RBPMS: variants seen among roughly 807,000 people sequenced by gnomAD.
RBPMS encodes the protein RNA-binding protein with multiple splicing.
In RBPMS, 7 loss-of-function variants were observed where a neutral mutation model predicts 26.8. The observed-to-expected ratio is 0.26, with a 90% CI of 0.15 to 0.49. The LOEUF (loss-of-function observed/expected upper bound fraction) is 0.49, where lower values mean the gene tolerates loss of function less well. RBPMS is among the 20% of genes least tolerant of loss of function. The probability of loss-of-function intolerance (pLI) is 0.98; values close to 1 mark genes in which losing one functional copy is unlikely to be tolerated. For synonymous variants in RBPMS, 96 were observed against 93.3 expected (o/e 1.03, Z -0.17); for missense variants, 186 against 250.0 (o/e 0.74, Z 1.73).
intron 6 of RBPMS, among the ~76,000 whole-genome samples, chr8:30,557,496 C>G (rs569223326): frequency 6.6e-6 from 1 of 152,336 alleles, no homozygotes; most frequent in East Asian, 1.9e-4. Context: ...ACCTGTAAAA[C>G]AAGGAGATGA....
intron 5 of RBPMS, among the ~76,000 whole-genome samples, chr8:30,524,655 G>A (rs1463426633): frequency 6.6e-6 from 1 of 152,096 alleles, no homozygotes; most frequent in Non-Finnish European, 1.5e-5. Flanking sequence ...TAACATAGGA[G>A]GGTTAAAGAC....
intron 1 of RBPMS, among the ~76,000 whole-genome samples, chr8:30,459,162 A>G (rs1189130114): frequency 1.3e-5 from 2 of 151,694 alleles, no homozygotes; most frequent in Non-Finnish European, 2.9e-5. Context: ...GGATTTCACC[A>G]TATTGGCCAG....
intron 7 of RBPMS, among the ~76,000 whole-genome samples, chr8:30,561,389 C>T (rs1380332499): frequency 6.6e-6 from 1 of 152,164 alleles, no homozygotes; most frequent in African/African-American, 2.4e-5. Flanking sequence ...TGGCACTGAG[C>T]GGACCCTGCT....
At chr8:30,471,176 A>T (rs1006579714) in intron 1 of RBPMS, among the ~76,000 whole-genome samples, 5 of 152,188 alleles carry the variant, frequency 3.3e-5, no homozygotes, top group African/African-American at 1.2e-4. Flanking sequence ...CACATACTAT[A>T]AGATAAATTT....
rs547155930 is a variant in RBPMS at position 30,511,650 on chromosome 8, C to CAT, written c.397+7224_397+7225dup. 1.5e-3 allele frequency among the ~76,000 whole-genome samples: 228 copies of CAT among 148,338 alleles called. 5 individuals carry two copies. The South Asian group carries it at 0.034, about 22-fold the overall frequency. On this transcript the variant is annotated intron_variant, in intron 5 of 8. Transcript: ENST00000397323. ...ATGTGTGTGTGTGTATATAGATACA[C>CAT]ATATATATATACACACAAAAAAAAT...
intron 1 of RBPMS, among the ~76,000 whole-genome samples, chr8:30,441,028 C>CT (rs111598519): frequency 0.17 from 25,739 of 150,854 alleles, 5,585 homozygotes; most frequent in African/African-American, 0.51. Context: ...GAGACAGTGT[C>CT]TTGCTATGAT....
chr8:30,511,030 GGCC>G (rs1388920403), intron 5 of RBPMS, among the ~76,000 whole-genome samples: 5 of 152,108 alleles, frequency 3.3e-5, no homozygotes. Context: ...AAAAAATCAA[GGCC>G]AGGCGTGGTG....
chr8:30,517,168 T>C (rs1822414086), intron 5 of RBPMS, among the ~76,000 whole-genome samples: 1 of 150,678 alleles, frequency 6.6e-6, no homozygotes, highest in African/African-American at 2.4e-5. Context: ...TGTTTATCAA[T>C]AGATATATAG....
At chr8:30,463,043 T>C (rs1228935001) in intron 1 of RBPMS, among the ~76,000 whole-genome samples, 2 of 152,206 alleles carry the variant, frequency 1.3e-5, no homozygotes, top group Non-Finnish European at 2.9e-5. Context: ...ACCTCAAGCC[T>C]GTGTATAACA....
At chr8:30,531,926 G>A (rs1010192797) in intron 5 of RBPMS, among the ~76,000 whole-genome samples, 9 of 152,198 alleles carry the variant, frequency 5.9e-5, no homozygotes, top group African/African-American at 1.9e-4. Flanking sequence ...TAAGGGAATT[G>A]TGTAGGTCAG....
At chr8:30,564,844 C>T (rs1469339792) in intron 7 of RBPMS, 2 of 152,556 alleles carry the variant, frequency 1.3e-5, no homozygotes, top group African/African-American at 2.4e-5. Context: ...CAGGTAAACC[C>T]GGGGGTGCAG....
chr8:30,478,745 A>G (rs1817970478), intron 3 of RBPMS, among the ~76,000 whole-genome samples: 1 of 152,048 alleles, frequency 6.6e-6, no homozygotes, highest in Non-Finnish European at 1.5e-5. Flanking sequence ...TGATCCGCCC[A>G]CCTTGGCCTC....
intron 1 of RBPMS, among the ~76,000 whole-genome samples, chr8:30,393,201 G>C (rs1487264698): frequency 6.6e-6 from 1 of 151,982 alleles, no homozygotes; most frequent in Non-Finnish European, 1.5e-5. Flanking sequence ...AAGCCTGAGG[G>C]GGAGCTTAGA....
At chr8:30,556,630 G>A in intron 6 of RBPMS, 1 of 986,200 alleles carries the variant, frequency 1.0e-6, no homozygotes, top group Non-Finnish European at 1.2e-6. Flanking sequence ...AGTGCACACA[G>A]ACCCATCACC....
At chr8:30,414,974 C>T (rs1266682090) in intron 1 of RBPMS, among the ~76,000 whole-genome samples, 3 of 152,094 alleles carry the variant, frequency 2.0e-5, no homozygotes, top group Non-Finnish European at 4.4e-5. Context: ...TCCGTCCTGC[C>T]TCTTCATTTC....
intron 1 of RBPMS, among the ~76,000 whole-genome samples, chr8:30,417,114 G>A (rs1810176381): frequency 1.3e-5 from 2 of 152,146 alleles, no homozygotes; most frequent in African/African-American, 4.8e-5. Flanking sequence ...CTAAGAGACA[G>A]ATGGACCTTT....
intron 1 of RBPMS, among the ~76,000 whole-genome samples, chr8:30,437,966 G>C (rs1402585794): frequency 1.4e-5 from 2 of 142,832 alleles, no homozygotes; most frequent in Non-Finnish European, 3.1e-5. Flanking sequence ...CTCAAAAAAA[G>C]AAAAAAAAAA....
chr8:30,465,732 T>C (rs1017549475), intron 1 of RBPMS, among the ~76,000 whole-genome samples: 6 of 152,272 alleles, frequency 3.9e-5, no homozygotes, highest in South Asian at 4.2e-4. Context: ...GAGGTTGCAG[T>C]GTGCCGAAAT....
intron 5 of RBPMS, among the ~76,000 whole-genome samples, chr8:30,513,505 T>C (rs763610615): frequency 1.4e-5 from 2 of 145,482 alleles, no homozygotes; most frequent in African/African-American, 5.1e-5. Flanking sequence ...AGGAGAATGG[T>C]GTAAACCCAG....
Sources: gnomAD v4.1 joint callset for allele counts (sites outside exome capture counted in the v4.1 genomes callset) on GRCh38, gnomAD v4.1.1 for gene constraint, MANE v1.5 for transcripts, NCBI Gene and HGNC (gene_info 2026-07-23, HGNC 2026-07-21) for gene names.